The following KIF25 variants were observed in gnomAD, a reference collection of about 807,000 sequenced individuals.
KIF25 encodes kinesin family member 25, also known as kinesin-like protein KIF25.
A neutral mutation model predicts 32.9 loss-of-function variants in KIF25; 19 were observed. The observed-to-expected ratio is 0.58, with a 90% CI of 0.40 to 0.85. The LOEUF (loss-of-function observed/expected upper bound fraction) is 0.85. Among genes scored for constraint, KIF25 ranks in the 40% least tolerant of loss-of-function variants. The probability of loss-of-function intolerance (pLI) is 0.00; values close to 1 mark genes in which losing one functional copy is unlikely to be tolerated. For synonymous variants in KIF25, 225 were observed against 213.7 expected (o/e 1.05, Z -0.46); for missense variants, 485 against 507.0 (o/e 0.96, Z 0.42).
intron 4 of KIF25, among the ~76,000 whole-genome samples, chr6:168,016,632 G>A (rs568225902): frequency 7.9e-5 from 12 of 152,238 alleles, no homozygotes; most frequent in South Asian, 2.1e-4. Flanking sequence ...GGCATTCTGC[G>A]TCACCCACTC....
chr6:168,041,930 C>T, intron 10 of KIF25, 39 bp from the exon 11 acceptor site: 1 of 1,542,788 alleles, frequency 6.5e-7, no homozygotes, highest in Non-Finnish European at 8.8e-7. Flanking sequence ...TGGCTTCATG[C>T]AACTGTTTTC....
intron 5 of KIF25, among the ~76,000 whole-genome samples, chr6:168,023,881 C>G (rs920681681): frequency 1.3e-5 from 2 of 152,208 alleles, no homozygotes; most frequent in Non-Finnish European, 2.9e-5. Flanking sequence ...TTTTACTACT[C>G]AAGGATTGCA....
At chr6:168,028,491 TAG>T (rs1373738885) in intron 5 of KIF25, among the ~76,000 whole-genome samples, 1 of 152,242 alleles carries the variant, frequency 6.6e-6, no homozygotes, top group Non-Finnish European at 1.5e-5. Context: ...CTGTCATAGA[TAG>T]AGTCTCAGAG....
At chr6:168,003,188 G>A (rs756192077) in intron 3 of KIF25, among the ~76,000 whole-genome samples, 3 of 152,264 alleles carry the variant, frequency 2.0e-5, no homozygotes, top group Admixed American at 1.3e-4. Flanking sequence ...CTGGAGTATG[G>A]ATGACTCTCC....
intron 8 of KIF25, chr6:168,035,603 TGC>T: frequency 6.9e-6 from 3 of 432,662 alleles, no homozygotes; most frequent in Non-Finnish European, 1.4e-5. Flanking sequence ...GCCAGGCGGC[TGC>T]GCCTCTCCAG....
intron 5 of KIF25, among the ~76,000 whole-genome samples, chr6:168,022,437 T>C (rs1798799669): frequency 6.6e-6 from 1 of 152,360 alleles, no homozygotes. Context: ...TTATTTTTTA[T>C]TTTTTAGTGA....
In KIF25 at chr6:168,034,050, A is replaced by G; in HGVS notation, c.317+19A>G. The G allele has an allele frequency of 1.2e-6, 2 of 1,613,024 alleles. No individual in the cohort carries two copies. The highest frequency in any genetic ancestry group is 1.7e-6 in the Non-Finnish European group (2 of 1,179,206). On this transcript the variant is annotated intron_variant, in intron 8 of 12. Transcript: ENST00000643607. ...TCTTCAGGTACTGCCGATGGTGATG[A>G]GTGGGGCAGAGAAATATGGCAGGGA...
At position 168,040,106 on chromosome 6, in the gene KIF25, G is replaced by T. The variant is rs772179107; in HGVS notation, c.536G>T (p.Gly179Val). Residue 179 changes from glycine (G) to valine (V), a missense_variant, in exon 10 of 13, where the codon GGA becomes GTA. This residue lies in a region of KIF25 where 480 missense variants were observed against 470.3 expected (regional missense o/e 1.02). Coordinates refer to ENST00000643607, the MANE Select transcript of KIF25 (RefSeq NM_030615.4). Reference protein sequence around the residue: ...SASKLMELVHGGLQLRAKHPT... With the variant: ...SASKLMELVHVGLQLRAKHPT... The stretch of plus-strand genomic sequence containing the variant: ...TCGAAACTGATGGAGCTCGTTCATG[G>T]AGGTCTGCAGCTCAGGGCGAAGCAC... The T allele has an allele frequency of 1.2e-6, 2 of 1,613,980 alleles. No homozygotes were observed. The highest frequency in any genetic ancestry group is 4.5e-5 in the East Asian group (2 of 44,874).
intron 8 of KIF25, 127 bp from the exon 9 acceptor site, chr6:168,038,426 C>A (rs948204721): frequency 8.3e-6 from 7 of 847,966 alleles, no homozygotes; most frequent in Middle Eastern, 2.5e-4. Context: ...ATGTAACATG[C>A]AGCCCTCTGC....
Position 168,042,035 on chromosome 6 carries a change from G to C in KIF25, c.713G>C (p.Arg238Pro). The C allele has an allele frequency of 6.4e-7, 1 of 1,551,458 alleles. No homozygotes were observed. Among genetic ancestry groups the C allele is most frequent in the East Asian group, 2.4e-5 (1 of 40,968 alleles). ...QTEAGRAGRS[R>P]RASQGALAPQ... is the part of the protein sequence containing the mutation. Reference sequence around the variant, plus strand: ...GAGGCAGGAAGGGCAGGAAGGAGCCGCAGAGCTTCTCAAGGGGCCTTGGCT... The same window carrying C: ...GAGGCAGGAAGGGCAGGAAGGAGCCCCAGAGCTTCTCAAGGGGCCTTGGCT... The change falls in exon 11 of 13, where the codon CGC (arginine) becomes CCC (proline). Residue 238 changes from arginine (R) to proline (P), a missense_variant. Physicochemically the swap from Arg to Pro is moderately radical, Grantham distance 103 (BLOSUM62 -2). Transcript: ENST00000643607.
intron 4 of KIF25, among the ~76,000 whole-genome samples, chr6:168,009,371 TG>T (rs1798618271): frequency 6.6e-6 from 1 of 152,108 alleles, no homozygotes; most frequent in African/African-American, 2.4e-5. Flanking sequence ...TGACCCAATT[TG>T]TTTAGTGATT....
chr6:168,038,848 G>A, intron 9 of KIF25, 119 bp downstream of exon 9: 1 of 1,016,638 alleles, frequency 9.8e-7, no homozygotes. Context: ...GGATCCCAAG[G>A]AGAATCGGCC....
At chr6:168,044,583 G>A (rs1365091080) in intron 12 of KIF25, among the ~76,000 whole-genome samples, 8 of 137,652 alleles carry the variant, frequency 5.8e-5, no homozygotes, top group African/African-American at 1.9e-4. Context: ...TGACCCTCCC[G>A]GAGGGTGAGG....
rs1307724178 is a variant in KIF25, at chr6:168,040,143, G to A, written c.573G>A (p.Val191=). ...LQLRAKHPTL[V]HADSSRSHLI... ...TCAGGGCGAAGCACCCCACCCTGGT[G>A]CACGCGGATTCCTCCAGGTCTCACC... The change falls in exon 10 of 13, where the codon GTG becomes GTA. Residue 191 remains valine (V), a synonymous_variant. Coordinates refer to ENST00000643607, the MANE Select transcript of KIF25 (RefSeq NM_030615.4). 6.2e-7 allele frequency: 1 copy of A among 1,614,114 alleles called. No homozygotes were observed. The highest frequency in any genetic ancestry group is 8.5e-7 in the Non-Finnish European group (1 of 1,180,042).
At chr6:168,008,997 A>G (rs977285937) in intron 4 of KIF25, among the ~76,000 whole-genome samples, 1 of 152,084 alleles carries the variant, frequency 6.6e-6, no homozygotes, top group Non-Finnish European at 1.5e-5. Flanking sequence ...AGGATTTTCT[A>G]TATATCAGAT....
intron 7 of KIF25, among the ~76,000 whole-genome samples, chr6:168,032,705 T>A (rs553627425): frequency 1.2e-4 from 19 of 152,348 alleles, no homozygotes; most frequent in African/African-American, 4.6e-4. Context: ...CAACAAGCTT[T>A]ATTTGTTGGA....
In KIF25 at chr6:167,998,669, T is replaced by C. The variant is rs773525805; in HGVS notation, c.-800T>C. 6 of 152,178 alleles carry C rather than the reference T, an allele frequency of 3.9e-5. No individual in the cohort carries two copies. The highest frequency in any genetic ancestry group is 8.8e-5 in the Non-Finnish European group (6 of 68,030). The allele number at this position is 152,178 out of a possible 1,614,324, so 9.4% of individuals were successfully genotyped here. A position where few individuals can be genotyped will look rare whatever the true frequency, so the allele number is the denominator to read the frequency against. On this transcript the variant is annotated 5_prime_UTR_variant, in exon 1 of 13. Coordinates refer to ENST00000643607, the MANE Select transcript of KIF25 (RefSeq NM_030615.4). ...CTAAAATGTCGAGCCCAGGATGCCATTCAAAGGGATTTTCCTTGGTACTTA... is the reference window on the plus strand; with the variant it reads ...CTAAAATGTCGAGCCCAGGATGCCACTCAAAGGGATTTTCCTTGGTACTTA...
rs1180524445 is a variant in KIF25, at chr6:168,042,633, G to A, written c.902G>A (p.Gly301Asp). The stretch of plus-strand genomic sequence containing the variant: ...AGCCGCAGCCTTGCGGCCCTGGCAG[G>A]CGTCCTGGGGGCTTTGTTGGAGCAC... ...CISRSLAALA[G>D]VLGALLEHRG... is the part of the protein sequence containing the mutation. The change falls in exon 12 of 13, where the codon GGC (glycine) becomes GAC (aspartate). Residue 301 changes from glycine (G) to aspartate (D), a missense_variant. By Grantham distance (94) the Gly-to-Asp change is moderately conservative. Transcript: ENST00000643607. 7.4e-6 allele frequency: 12 copies of A among 1,613,892 alleles called. No homozygotes were observed. Among genetic ancestry groups the A allele is most frequent in the South Asian group, 1.1e-5 (1 of 91,072 alleles).
At chr6:168,005,409 G>A (rs1025258257) in intron 4 of KIF25, among the ~76,000 whole-genome samples, 1 of 152,188 alleles carries the variant, frequency 6.6e-6, no homozygotes, top group African/African-American at 2.4e-5. Context: ...GTTGGGCAGA[G>A]GCCACTGTGG....
Sources: allele counts gnomAD v4.1 joint callset (sites outside exome capture counted in the v4.1 genomes callset), GRCh38; gene constraint gnomAD v4.1.1; regional missense constraint gnomAD v4.1.1; transcripts MANE v1.5; gene names NCBI Gene and HGNC (gene_info 2026-07-23, HGNC 2026-07-21).